DPP8: variants seen among roughly 807,000 people sequenced by gnomAD.
The protein encoded by DPP8 is dipeptidyl peptidase 8, also known as DPP VIII.
Under a neutral mutation model 107.5 loss-of-function variants are expected in DPP8, and 31 were observed. The ratio of observed to expected loss-of-function variants is 0.29; its 90% CI spans 0.22 to 0.39. DPP8 has a LOEUF of 0.39. DPP8 is among the 10% of genes least tolerant of loss of function. The pLI, the probability that DPP8 is intolerant of heterozygous loss-of-function variation, is 1.00. For synonymous variants in DPP8, 381 were observed against 356.6 expected, an observed-to-expected ratio of 1.07 and a Z score of -0.77; for missense variants, 842 against 1,076.1, an observed-to-expected ratio of 0.78 and a Z score of 3.04.
chr15:65,478,502 C>T (rs540231639), intron 11 of DPP8, among the ~76,000 whole-genome samples: 8 of 152,256 alleles, frequency 5.3e-5, no homozygotes, highest in African/African-American at 1.2e-4. Flanking sequence ...TCAGGTGATC[C>T]GCCTGCCTTG....
At chr15:65,488,105 T>A (rs1467462113) in intron 6 of DPP8, among the ~76,000 whole-genome samples, 1 of 152,134 alleles carries the variant, frequency 6.6e-6, no homozygotes, top group Admixed American at 6.6e-5. Flanking sequence ...TAAAATGCAT[T>A]CTTTGTTGAA....
chr15:65,479,631 T>G (rs970834866), intron 10 of DPP8, among the ~76,000 whole-genome samples: 1 of 151,264 alleles, frequency 6.6e-6, no homozygotes, highest in Non-Finnish European at 1.5e-5. Flanking sequence ...GATCATGAGG[T>G]CAGGAGATCG....
At chr15:65,498,119 T>C in intron 4 of DPP8, 87 bp from the exon 5 acceptor site, 1 of 1,074,692 alleles carries the variant, frequency 9.3e-7, no homozygotes, top group Non-Finnish European at 1.3e-6. Flanking sequence ...ACAATATTTC[T>C]AGGTAAAATG....
chr15:65,507,852 A>G (rs1020991312), intron 2 of DPP8, among the ~76,000 whole-genome samples: 6 of 152,164 alleles, frequency 3.9e-5, no homozygotes, highest in East Asian at 1.9e-4. Flanking sequence ...TGAGATTCCA[A>G]TATAACAACT....
At chr15:65,511,923 C>G (rs903989018) in intron 2 of DPP8, 1 of 324,520 alleles carries the variant, frequency 3.1e-6, no homozygotes, top group Non-Finnish European at 6.2e-6. Flanking sequence ...AAGAAGAGAC[C>G]AAAAACAGCC....
chr15:65,511,776 G>T (rs758327479), intron 2 of DPP8, among the ~76,000 whole-genome samples: 1 of 149,850 alleles, frequency 6.7e-6, no homozygotes, highest in Non-Finnish European at 1.5e-5. Flanking sequence ...TCACATAAAC[G>T]AATAAAATTT....
intron 15 of DPP8, among the ~76,000 whole-genome samples, chr15:65,461,877 G>A (rs561279424): frequency 7.9e-5 from 12 of 151,594 alleles, no homozygotes; most frequent in Non-Finnish European, 1.5e-4. Context: ...GGGATTACAG[G>A]CTTGAGCCAT....
At chr15:65,493,310 G>A (rs2068232356) in intron 5 of DPP8, among the ~76,000 whole-genome samples, 3 of 152,052 alleles carry the variant, frequency 2.0e-5, no homozygotes, top group South Asian at 2.1e-4. Flanking sequence ...TTGAACTCCC[G>A]ACCTCAGGTG....
intron 1 of DPP8, chr15:65,515,597 G>T: frequency 1.4e-6 from 2 of 1,454,876 alleles, no homozygotes; most frequent in Non-Finnish European, 1.9e-6. Context: ...TCTCAGCACA[G>T]TGCATATATT....
chr15:65,487,153 CTTTT>C (rs201589433), intron 7 of DPP8, among the ~76,000 whole-genome samples: 1 of 147,178 alleles, frequency 6.8e-6, no homozygotes, highest in Non-Finnish European at 1.5e-5. Flanking sequence ...AAGACACCTT[CTTTT>C]TTTTTTTCTG....
chr15:65,507,118 A>G, intron 3 of DPP8, 125 bp downstream of exon 3: 2 of 507,272 alleles, frequency 3.9e-6, no homozygotes, highest in Non-Finnish European at 6.7e-6. Flanking sequence ...CATACATGCA[A>G]AAACATAAAA....
chr15:65,510,783 C>T lies in DPP8; in HGVS notation c.259+1512G>A, dbSNP rs116649551. Among the ~76,000 whole-genome samples the T allele has an allele frequency of 1.4e-3, 207 of 152,330 alleles. 1 individual carries two copies. Among genetic ancestry groups the T allele is most frequent in the African/African-American group, 4.6e-3 (193 of 41,574 alleles). On this transcript the variant is annotated intron_variant, in intron 2 of 19. Transcript: ENST00000300141. ...CAAACTCCTGACCTCAAGTGATCCG[C>T]CAGCCATAGCCTCCCAAAGTGCTGG... is the stretch of plus-strand genomic sequence containing the variant.
Position 65,470,195 on chromosome 15 carries a change from CAAAAAAAAAAAAAAA to C in DPP8, c.1537-2987_1537-2973del, listed in dbSNP as rs11310623. ...GTGCAACAGAGTGAGACTCTTGTCT[CAAAAAAAAAAAAAAA>C]AAAAAAAAAAGAAAGAAAAAAGAAA... On this transcript the variant is annotated intron_variant, in intron 12 of 19. Coordinates refer to ENST00000300141, the MANE Select transcript of DPP8 (RefSeq NM_130434.5). 4.8e-4 allele frequency among the ~76,000 whole-genome samples: 28 copies of C among 58,502 alleles called. No individual in the cohort carries two copies. The East Asian group carries it at 0.014, about 30-fold the overall frequency. The allele number at this position is 58,502 out of a possible 152,430, so 38.4% of individuals were successfully genotyped here.
chr15:65,513,094 C>T (rs1213632462), intron 1 of DPP8, among the ~76,000 whole-genome samples: 1 of 152,178 alleles, frequency 6.6e-6, no homozygotes, highest in Non-Finnish European at 1.5e-5. Flanking sequence ...AGGGTACTTA[C>T]CCAAGATAAT....
chr15:65,512,479 T>C lies in DPP8; in HGVS notation c.75A>G (p.Glu25=), dbSNP rs1441532546. The change falls in exon 2 of 20, where the codon GAA becomes GAG. Residue 25 remains glutamate, a synonymous_variant. Transcript: ENST00000300141. The part of the protein sequence containing the change: ...FETADCEENI[E]SQDRPKLEPF... ...GCTCCAATTTAGGCCGATCCTGTGATTCAATATTCTCCTCACAGTCCGCAG... is the reference window on the plus strand; with the variant it reads ...GCTCCAATTTAGGCCGATCCTGTGACTCAATATTCTCCTCACAGTCCGCAG... 1.9e-6 allele frequency: 3 copies of C among 1,614,152 alleles called. No homozygotes were observed. The highest frequency in any genetic ancestry group is 2.5e-6 in the Non-Finnish European group (3 of 1,180,010).
In DPP8 at chr15:65,443,879, T is replaced by G. The variant is rs1447992104; in HGVS notation, c.*3005A>C. ...CTGGAAAGCTTGTTAGAAATGCACA[T>G]TCCTGGTGTCTACCCAAATCAATGG... On this transcript the variant is annotated 3_prime_UTR_variant, in exon 20 of 20. Coordinates refer to ENST00000300141, the MANE Select transcript of DPP8 (RefSeq NM_130434.5). 35 of 152,210 alleles carry G rather than the reference T, an allele frequency of 2.3e-4. No individual in the cohort carries two copies. The highest frequency in any genetic ancestry group is 1.5e-5 in the Non-Finnish European group (1 of 68,024). 9.4% of individuals were successfully genotyped at this position (152,210 alleles called of 1,614,324 possible). A position where few individuals can be genotyped will look rare whatever the true frequency, so the allele number is the denominator to read the frequency against.
chr15:65,478,830 C>A lies in DPP8; in HGVS notation c.1456+50G>T. 3 of 1,370,502 alleles carry A rather than the reference C, an allele frequency of 2.2e-6. 1 individual carries two copies. Among genetic ancestry groups the A allele is most frequent in the African/African-American group, 3.0e-5 (2 of 67,420 alleles). 84.9% of individuals were successfully genotyped at this position (1,370,502 alleles called of 1,614,324 possible). The stretch of plus-strand genomic sequence containing the variant: ...AGATACATTCCCCTGTCCCTCCCAC[C>A]TTCTGCTTCCAACATTTTTTCTTTT... On this transcript the variant is annotated intron_variant, in intron 11 of 19. Coordinates refer to ENST00000300141, the MANE Select transcript of DPP8 (RefSeq NM_130434.5).
intron 1 of DPP8, among the ~76,000 whole-genome samples, chr15:65,514,805 C>G (rs1303282281): frequency 6.6e-6 from 1 of 152,136 alleles, no homozygotes; most frequent in Non-Finnish European, 1.5e-5. Flanking sequence ...CCACCGTGCC[C>G]GGCCAACGGA....
chr15:65,467,458 T>G (rs546920382), intron 12 of DPP8, among the ~76,000 whole-genome samples: 2 of 152,212 alleles, frequency 1.3e-5, no homozygotes, highest in Non-Finnish European at 2.9e-5. Flanking sequence ...CATGGCTCAC[T>G]GCAGCTTCAA....
Sources: allele counts gnomAD v4.1 joint callset (sites outside exome capture counted in the v4.1 genomes callset), GRCh38; gene constraint gnomAD v4.1.1; transcripts MANE v1.5; gene names NCBI Gene and HGNC (gene_info 2026-07-23, HGNC 2026-07-21).